FGFR1: variants seen among roughly 807,000 people sequenced by gnomAD.
The protein encoded by FGFR1 is FGFR1/PLAG1 fusion.
Under a neutral mutation model 93.7 loss-of-function variants are expected in FGFR1, and 18 were observed. The ratio of observed to expected loss-of-function variants is 0.19; its 90% CI spans 0.13 to 0.28. The LOEUF (loss-of-function observed/expected upper bound fraction) is 0.28, where lower values mean the gene tolerates loss of function less well. FGFR1 is among the 10% of genes least tolerant of loss of function. The pLI, the probability that FGFR1 is intolerant of heterozygous loss-of-function variation, is 1.00. For synonymous variants in FGFR1, 448 were observed against 429.3 expected, an observed-to-expected ratio of 1.04 and a Z score of -0.54; for missense variants, 731 against 1,080.4, an observed-to-expected ratio of 0.68 and a Z score of 4.53.
chr8:38,449,039 C>T (rs975348880), intron 2 of FGFR1, among the ~76,000 whole-genome samples: 7 of 151,592 alleles, frequency 4.6e-5, no homozygotes, highest in Admixed American at 1.3e-4. Flanking sequence ...GAGGTCGAGG[C>T]TGCAGTGAGC....
In FGFR1 at chr8:38,412,983, T is replaced by G. The variant is rs1814885333; in HGVS notation, c.*645A>C. 1 of 233,360 alleles carries G rather than the reference T, an allele frequency of 4.3e-6. No homozygotes were observed. The highest frequency in any genetic ancestry group is 2.2e-5 in the African/African-American group (1 of 45,302). 14.5% of individuals were successfully genotyped at this position (233,360 alleles called of 1,614,324 possible). On this transcript the variant is annotated 3_prime_UTR_variant, in exon 18 of 18. Coordinates refer to ENST00000447712, the MANE Select transcript of FGFR1 (RefSeq NM_023110.3). ...AATATATACTCAGATTTATACACTTTGTGTTTTCTTCATAGCTATATACAG... is the reference window on the plus strand; with the variant it reads ...AATATATACTCAGATTTATACACTTGGTGTTTTCTTCATAGCTATATACAG...
intron 1 of FGFR1, chr8:38,465,755 G>C (rs1835349786): frequency 4.6e-6 from 1 of 218,788 alleles, no homozygotes; most frequent in African/African-American, 2.2e-5. Context: ...ACAAGCCTCA[G>C]GGAGGAAACC....
Position 38,418,265 on chromosome 8 carries a change from G to A in FGFR1, c.1393C>T (p.Leu465Phe). 9 of 1,614,228 alleles carry A rather than the reference G, an allele frequency of 5.6e-6. No homozygotes were observed. Among genetic ancestry groups the A allele is most frequent in the Non-Finnish European group, 7.6e-6 (9 of 1,180,036 alleles). ...PMLAGVSEYE[L>F]PEDPRWELPR... ...AGCTCCCAGCGAGGGTCTTCGGGAA[G>A]CTCATACTCAGAGACCCCTGCTAGC... The change falls in exon 10 of 18, where the codon CTT becomes TTT. Residue 465 changes from leucine (L) to phenylalanine (F), a missense_variant. Transcript: ENST00000447712.
rs190823439 is a variant in FGFR1, at chr8:38,419,425, C to A, written c.1284+108G>T. ...TATTCCACTGTGCCTTGCCCAGAAGCCAGAAAATAAGGCCCAAAGCTATAA... is the reference window on the plus strand; with the variant it reads ...TATTCCACTGTGCCTTGCCCAGAAGACAGAAAATAAGGCCCAAAGCTATAA... On this transcript the variant is annotated intron_variant, in intron 9 of 17. Coordinates refer to ENST00000447712, the MANE Select transcript of FGFR1 (RefSeq NM_023110.3). The A allele has an allele frequency of 1.0e-3, 1,050 of 1,054,760 alleles. 2 individuals are homozygous for A. The highest frequency in any genetic ancestry group is 1.3e-3 in the Non-Finnish European group (854 of 683,050). 65.3% of individuals were successfully genotyped at this position (1,054,760 alleles called of 1,614,324 possible).
chr8:38,457,968 G>A (rs1833335518), intron 1 of FGFR1, among the ~76,000 whole-genome samples: 1 of 152,182 alleles, frequency 6.6e-6, no homozygotes, highest in Non-Finnish European at 1.5e-5. Context: ...GGGTGACAGA[G>A]CGAGATTCTG....
intron 7 of FGFR1, among the ~76,000 whole-genome samples, chr8:38,422,552 C>T (rs1284497318): frequency 2.6e-5 from 4 of 152,144 alleles, no homozygotes; most frequent in East Asian, 1.9e-4. Flanking sequence ...TACAGGCACA[C>T]GCCACCATAC....
intron 1 of FGFR1, chr8:38,463,056 G>C (rs141768849): frequency 6.6e-6 from 1 of 152,234 alleles, no homozygotes; most frequent in Admixed American, 6.6e-5. Context: ...CAGTAAGCAC[G>C]AGCATACTCA....
At chr8:38,421,715 G>T in intron 8 of FGFR1, 82 bp downstream of exon 8, 2 of 1,461,130 alleles carry the variant, frequency 1.4e-6, no homozygotes, top group Non-Finnish European at 1.9e-6. Context: ...CTGCCTCTGT[G>T]TCTCCCCAAG....
At chr8:38,441,693 G>A (rs932423040) in intron 2 of FGFR1, among the ~76,000 whole-genome samples, 1 of 152,210 alleles carries the variant, frequency 6.6e-6, no homozygotes, top group Non-Finnish European at 1.5e-5. Flanking sequence ...CAAGCTCACA[G>A]TTCCTAGAAG....
At chr8:38,447,748 TG>T (rs1829808189) in intron 2 of FGFR1, among the ~76,000 whole-genome samples, 1 of 152,216 alleles carries the variant, frequency 6.6e-6, no homozygotes, top group South Asian at 2.1e-4. Flanking sequence ...CCCAAAGTGC[TG>T]GGATTATAGG....
rs753288703 is a variant in FGFR1, at chr8:38,413,680, C to G, written c.2417G>C (p.Cys806Ser). 2 of 1,613,514 alleles carry G rather than the reference C, an allele frequency of 1.2e-6. No homozygotes were observed. The highest frequency in any genetic ancestry group is 8.5e-7 in the Non-Finnish European group (1 of 1,179,832). ...AAGCTGGGCTGGGTGTCGGGGCAGG[C>G]AGGGCTCCTCGGGCAGCGGCTCATG... is the stretch of plus-strand genomic sequence containing the variant. ...FSHEPLPEEP[C>S]LPRHPAQLAN... The change falls in exon 18 of 18, where the codon TGC becomes TCC. Residue 806 changes from cysteine (C) to serine (S), a missense_variant. Physicochemically the swap from Cys to Ser is moderately radical, Grantham distance 112. Coordinates refer to ENST00000447712, the MANE Select transcript of FGFR1 (RefSeq NM_023110.3). The surrounding 1 kb of genome is among the most constrained non-coding windows in gnomAD (Gnocchi z 4.2).
intron 10 of FGFR1, 59 bp from the exon 11 acceptor site, chr8:38,418,050 G>T (rs530728831): frequency 1.2e-6 from 2 of 1,612,696 alleles, no homozygotes; most frequent in Admixed American, 3.3e-5. Flanking sequence ...AACCTTGAGA[G>T]GCACCCCATC....
At chr8:38,414,954 G>A (rs1246975112) in intron 13 of FGFR1, 53 bp from the exon 14 acceptor site, 3 of 1,524,730 alleles carry the variant, frequency 2.0e-6, no homozygotes, top group Non-Finnish European at 9.0e-7. Flanking sequence ...GAGCTGGAAG[G>A]CTCTGGGCGG....
chr8:38,441,442 A>AAT (rs1827427889), intron 2 of FGFR1, among the ~76,000 whole-genome samples: 3 of 152,166 alleles, frequency 2.0e-5, no homozygotes, highest in Admixed American at 2.0e-4. Context: ...TCTGAAAAGA[A>AAT]ATTTCCCTCC....
chr8:38,453,848 T>A (rs1256691853), intron 2 of FGFR1, among the ~76,000 whole-genome samples: 1 of 152,084 alleles, frequency 6.6e-6, no homozygotes, highest in East Asian at 1.9e-4. Context: ...GCCAAGATCA[T>A]GCCACTGCAT....
At chr8:38,458,041 CT>C (rs1259465566) in intron 1 of FGFR1, among the ~76,000 whole-genome samples, 2 of 152,086 alleles carry the variant, frequency 1.3e-5, no homozygotes, top group African/African-American at 4.8e-5. Flanking sequence ...AATTCTACAG[CT>C]ATGTTTTGAG....
intron 7 of FGFR1, among the ~76,000 whole-genome samples, chr8:38,422,437 A>C (rs1036748421): frequency 2.0e-5 from 3 of 152,186 alleles, no homozygotes; most frequent in Admixed American, 6.5e-5. Flanking sequence ...ATGGGGTACC[A>C]TTCTGTCAAC....
rs571533893 is a variant in FGFR1, at chr8:38,429,469, C to A, written c.358+213G>T. ...CCTCCGAGGTGTGTCCTGGAAGCCC[C>A]AGATCTCCGGCCCTGGGGCCCACCC... On this transcript the variant is annotated intron_variant, in intron 3 of 17. Coordinates refer to ENST00000447712, the MANE Select transcript of FGFR1 (RefSeq NM_023110.3). The surrounding 1 kb of genome is among the most constrained non-coding windows in gnomAD (Gnocchi z 4.4). The A allele has an allele frequency of 4.0e-4, 281 of 705,908 alleles. No homozygotes were observed. Among genetic ancestry groups the A allele is most frequent in the Middle Eastern group, 2.1e-3 (9 of 4,244 alleles). The allele number at this position is 705,908 out of a possible 1,614,324, so 43.7% of individuals were successfully genotyped here.
chr8:38,438,687 C>G (rs762030660), intron 2 of FGFR1, among the ~76,000 whole-genome samples: 16 of 152,150 alleles, frequency 1.1e-4, no homozygotes, highest in Non-Finnish European at 2.2e-4. Flanking sequence ...CTCCAGAATC[C>G]ACATACATCA....
Sources: gnomAD v4.1 joint callset for allele counts (sites outside exome capture counted in the v4.1 genomes callset) on GRCh38, gnomAD v4.1.1 for gene constraint, Gnocchi (gnomAD v3.1) non-coding constraint, MANE v1.5 for transcripts, NCBI Gene and HGNC (gene_info 2026-07-23, HGNC 2026-07-21) for gene names.